The following GHR variants were observed in gnomAD, a reference collection of about 807,000 sequenced individuals.
GHR encodes GH receptor.
GHR carries 35 observed loss-of-function variants against 67.1 expected under a neutral mutation model. The ratio of observed to expected loss-of-function variants is 0.52; its 90% CI spans 0.40 to 0.69. The LOEUF (loss-of-function observed/expected upper bound fraction) is 0.69. Ranked by LOEUF, GHR falls within the 30% of genes least tolerant of loss-of-function variation. The probability of loss-of-function intolerance (pLI) is 0.00; values close to 1 mark genes in which losing one functional copy is unlikely to be tolerated. For synonymous variants in GHR, 272 were observed against 269.1 expected (o/e 1.01, Z -0.10); for missense variants, 792 against 764.6 (o/e 1.04, Z -0.42).
chr5:42,424,917 G>C lies in GHR; in HGVS notation c.-12+962G>C, dbSNP rs1742783477. 13 of 795,806 alleles carry C rather than the reference G, an allele frequency of 1.6e-5. No homozygotes were observed. Among genetic ancestry groups the C allele is most frequent in the Non-Finnish European group, 2.0e-5 (13 of 656,626 alleles). The allele number at this position is 795,806 out of a possible 1,614,324, so 49.3% of individuals were successfully genotyped here. A position where few individuals can be genotyped will look rare whatever the true frequency, so the allele number is the denominator to read the frequency against. On this transcript the variant is annotated intron_variant, in intron 1 of 9. Coordinates refer to ENST00000230882, the MANE Select transcript of GHR (RefSeq NM_000163.5). The surrounding 1 kb of genome is among the most constrained non-coding windows in gnomAD (Gnocchi z 4.1). The stretch of plus-strand genomic sequence containing the variant: ...ACGTGTGCGCTGTGTGTGCGCGCGC[G>C]AGTGTGCGCCTGGGGAGGCGTGTCG...
chr5:42,566,145 A>G (rs1041232796), intron 2 of GHR, among the ~76,000 whole-genome samples: 1 of 152,224 alleles, frequency 6.6e-6, no homozygotes, highest in South Asian at 2.1e-4. Context: ...TAGTCAGTCA[A>G]CTTTGGCATC....
At chr5:42,632,660 A>T (rs1198053948) in intron 3 of GHR, among the ~76,000 whole-genome samples, 1 of 151,984 alleles carries the variant, frequency 6.6e-6, no homozygotes, top group Non-Finnish European at 1.5e-5. Flanking sequence ...GGGAAAAAAG[A>T]CCTGTTTTTG....
intron 1 of GHR, among the ~76,000 whole-genome samples, chr5:42,552,932 A>G (rs1433459741): frequency 6.6e-6 from 1 of 152,200 alleles, no homozygotes; most frequent in Non-Finnish European, 1.5e-5. Flanking sequence ...TTTCCTTATC[A>G]CTTATCGTTA....
chr5:42,425,558 C>T, intron 1 of GHR, among the ~76,000 whole-genome samples: 1 of 152,158 alleles, frequency 6.6e-6, no homozygotes, highest in East Asian at 1.9e-4. Flanking sequence ...TCTATTTATT[C>T]AGTGATTGGG....
In GHR at chr5:42,553,521, T is replaced by C. The variant is rs143604993; in HGVS notation, c.-11-12343T>C. Among the ~76,000 whole-genome samples the C allele has an allele frequency of 6.9e-3, 1,054 of 152,330 alleles. 9 individuals are homozygous for C. Among genetic ancestry groups the C allele is most frequent in the African/African-American group, 0.024 (999 of 41,568 alleles). On this transcript the variant is annotated intron_variant, in intron 1 of 9. Transcript: ENST00000230882. ...GAAGATCAAGTCCTTTTCAAGTTTCTAGTCTCTCTGACTTCCCCTTCTGCC... is the reference window on the plus strand; with the variant it reads ...GAAGATCAAGTCCTTTTCAAGTTTCCAGTCTCTCTGACTTCCCCTTCTGCC...
At chr5:42,475,176 C>A (rs1467856516) in intron 1 of GHR, among the ~76,000 whole-genome samples, 1 of 152,106 alleles carries the variant, frequency 6.6e-6, no homozygotes, top group African/African-American at 2.4e-5. Flanking sequence ...CCGCGCCCAG[C>A]CTGCCCTTGA....
chr5:42,451,808 C>T (rs532321272), intron 1 of GHR, among the ~76,000 whole-genome samples: 83 of 151,846 alleles, frequency 5.5e-4, no homozygotes, highest in African/African-American at 1.9e-3. Context: ...TTATGTGTTA[C>T]GTGGGTCTCT....
intron 1 of GHR, among the ~76,000 whole-genome samples, chr5:42,555,156 G>T (rs1253600140): frequency 1.3e-5 from 2 of 152,168 alleles, no homozygotes; most frequent in East Asian, 3.9e-4. Flanking sequence ...CTTAAAGGAG[G>T]CAGGATAATG....
intron 2 of GHR, among the ~76,000 whole-genome samples, chr5:42,624,108 C>G (rs1015347296): frequency 2.0e-5 from 3 of 152,172 alleles, no homozygotes; most frequent in Admixed American, 6.6e-5. Context: ...TGTCTCGATT[C>G]ATTACATATT....
chr5:42,461,642 T>C (rs1393072205), intron 1 of GHR, among the ~76,000 whole-genome samples: 2 of 152,242 alleles, frequency 1.3e-5, no homozygotes, highest in African/African-American at 2.4e-5. Context: ...TCTGTGTTTA[T>C]CTGTATGGCT....
chr5:42,457,523 G>A (rs1039596630), intron 1 of GHR, among the ~76,000 whole-genome samples: 8 of 152,100 alleles, frequency 5.3e-5, no homozygotes, highest in African/African-American at 9.7e-5. Context: ...CTGGTTTATA[G>A]GTGAGGAACA....
At chr5:42,644,944 T>G (rs1353901967) in intron 3 of GHR, among the ~76,000 whole-genome samples, 1 of 152,170 alleles carries the variant, frequency 6.6e-6, no homozygotes, top group African/African-American at 2.4e-5. Context: ...GAGAATATTA[T>G]GAAGTATATG....
At chr5:42,666,534 CTT>C (rs1755988320) in intron 3 of GHR, among the ~76,000 whole-genome samples, 1 of 152,076 alleles carries the variant, frequency 6.6e-6, no homozygotes, top group Admixed American at 6.5e-5. Flanking sequence ...ATTTTTCACT[CTT>C]TTTATTTTTA....
chr5:42,655,802 CA>C (rs1316358417), intron 3 of GHR, among the ~76,000 whole-genome samples: 1 of 151,926 alleles, frequency 6.6e-6, no homozygotes, highest in East Asian at 1.9e-4. Flanking sequence ...TTCTTAACAG[CA>C]GTAGGAGTAG....
At chr5:42,522,858 C>T (rs1320755733) in intron 1 of GHR, among the ~76,000 whole-genome samples, 1 of 152,128 alleles carries the variant, frequency 6.6e-6, no homozygotes, top group Non-Finnish European at 1.5e-5. Context: ...TCAACAAAGG[C>T]CTCATGTACT....
At chr5:42,647,576 A>G (rs1239219880) in intron 3 of GHR, 1 of 180,284 alleles carries the variant, frequency 5.5e-6, no homozygotes, top group East Asian at 1.4e-4. Flanking sequence ...TGCGTCTCCA[A>G]AAAAAAAAAA....
intron 1 of GHR, chr5:42,465,801 G>A (rs1744703915): frequency 1.3e-5 from 10 of 785,912 alleles, no homozygotes; most frequent in African/African-American, 6.8e-5. Flanking sequence ...CTGCCCTCTC[G>A]ACCTCTTCCA....
intron 1 of GHR, among the ~76,000 whole-genome samples, chr5:42,564,212 A>G (rs541478875): frequency 8.2e-6 from 1 of 122,448 alleles, no homozygotes; most frequent in Non-Finnish European, 1.7e-5. Flanking sequence ...AAATCTCACA[A>G]AGTGTGAGAT....
At chr5:42,443,174 C>T (rs1463998314) in intron 1 of GHR, among the ~76,000 whole-genome samples, 3 of 152,160 alleles carry the variant, frequency 2.0e-5, no homozygotes, top group African/African-American at 7.2e-5. Flanking sequence ...GATACTTGGA[C>T]TTGGTGGCTA....
Sources: gnomAD v4.1 joint callset for allele counts (sites outside exome capture counted in the v4.1 genomes callset) on GRCh38, gnomAD v4.1.1 for gene constraint, Gnocchi (gnomAD v3.1) non-coding constraint, MANE v1.5 for transcripts, NCBI Gene and HGNC (gene_info 2026-07-23, HGNC 2026-07-21) for gene names.